TRAP1: variants seen among roughly 807,000 people sequenced by gnomAD.
The protein encoded by TRAP1 is heat shock protein 75 kDa, mitochondrial.
A neutral mutation model predicts 89.1 loss-of-function variants in TRAP1; 102 were observed. The observed-to-expected ratio is 1.15, with a 90% CI of 0.98 to 1.35. The LOEUF (loss-of-function observed/expected upper bound fraction) is 1.35. Among genes scored for constraint, TRAP1 ranks in the 40% most tolerant of loss-of-function variants. The pLI, the probability that TRAP1 is intolerant of heterozygous loss-of-function variation, is 0.00. For synonymous variants in TRAP1, 508 were observed against 388.0 expected, an observed-to-expected ratio of 1.31 and a Z score of -3.64; for missense variants, 1,256 against 945.3, an observed-to-expected ratio of 1.33 and a Z score of -4.31.
intron 1 of TRAP1, among the ~76,000 whole-genome samples, chr16:3,696,341 G>C (rs868476277): frequency 6.6e-6 from 1 of 152,350 alleles, no homozygotes; most frequent in African/African-American, 2.4e-5. Flanking sequence ...AGGGCTCCCA[G>C]TGGCAGAATC....
rs759416487 is a variant in TRAP1, at chr16:3,679,750, T to A, written c.512A>T (p.Asn171Ile). Residue 171 changes from asparagine (N) to isoleucine (I), a missense_variant, in exon 5 of 18, where the codon AAC (asparagine) becomes ATC (isoleucine). Coordinates refer to ENST00000246957, the MANE Select transcript of TRAP1 (RefSeq NM_016292.3). ...IGMTQEELVS[N>I]LGTIARSGSK... is the part of the protein sequence containing the mutation. Reference sequence around the variant, plus strand: ...CCCCGATCTGGCAATCGTCCCCAGGTTGGACACCAGCTCTTCCTGTGTCAT... The same window carrying A: ...CCCCGATCTGGCAATCGTCCCCAGGATGGACACCAGCTCTTCCTGTGTCAT... 3 of 1,614,104 alleles carry A rather than the reference T, an allele frequency of 1.9e-6. No individual in the cohort carries two copies. Among genetic ancestry groups the A allele is most frequent in the South Asian group, 2.2e-5 (2 of 91,090 alleles).
chr16:3,704,288 G>A (rs2051409736), intron 1 of TRAP1: 1 of 152,182 alleles, frequency 6.6e-6, no homozygotes, highest in African/African-American at 2.4e-5. Flanking sequence ...GAGGTTCAGT[G>A]AGCTGAAATT....
At chr16:3,672,579 G>C in intron 10 of TRAP1, 121 bp downstream of exon 10, 8 of 1,423,026 alleles carry the variant, frequency 5.6e-6, no homozygotes, top group Non-Finnish European at 7.4e-6. Flanking sequence ...AGGCAGCGCA[G>C]GCCGACGGCG....
At position 3,662,052 on chromosome 16, in the gene TRAP1, C is replaced by A. The variant is rs1256506513; in HGVS notation, c.1875G>T (p.Gln625His). ...GCTCCTCCTGGGTCTTGGCCAGCTG[C>A]TGCATGCGCAGGAAGTGGCGGGCAG... ...MGAARHFLRM[Q>H]QLAKTQEERA... Residue 625 changes from glutamine (Q) to histidine (H), a missense_variant, in exon 16 of 18, where the codon CAG (glutamine) becomes CAT (histidine). Transcript: ENST00000246957. 4 of 1,613,496 alleles carry A rather than the reference C, an allele frequency of 2.5e-6. 1 individual carries two copies. The Admixed American group carries it at 6.7e-5, about 27-fold the overall frequency.
chr16:3,681,041 GC>G (rs1413724437), intron 4 of TRAP1, among the ~76,000 whole-genome samples: 4 of 152,070 alleles, frequency 2.6e-5, no homozygotes, highest in African/African-American at 7.2e-5. Flanking sequence ...CTGACCATGG[GC>G]TCCTCCTTCC....
intron 1 of TRAP1, among the ~76,000 whole-genome samples, chr16:3,697,961 GTGTTTTTT>G (rs374396245): frequency 0.015 from 2,235 of 150,744 alleles, 41 homozygotes; most frequent in African/African-American, 0.045. Flanking sequence ...GCTAACTTTT[GTGTTTTTT>G]TGTTTTTTTG....
At chr16:3,681,087 C>T (rs1206908560) in intron 4 of TRAP1, among the ~76,000 whole-genome samples, 3 of 152,198 alleles carry the variant, frequency 2.0e-5, no homozygotes, top group East Asian at 1.9e-4. Context: ...TGCAGATCCT[C>T]GCTCAACATG....
At chr16:3,671,260 T>C (rs1229740765) in intron 11 of TRAP1, among the ~76,000 whole-genome samples, 1 of 152,112 alleles carries the variant, frequency 6.6e-6, no homozygotes, top group Non-Finnish European at 1.5e-5. Context: ...TTGAATGTGC[T>C]CTAGTAAGGA....
intron 2 of TRAP1, 148 bp downstream of exon 2, chr16:3,690,679 G>A (rs2051201622): frequency 1.2e-6 from 1 of 860,096 alleles, no homozygotes; most frequent in Non-Finnish European, 1.6e-6. Context: ...CAGAAATGGA[G>A]GGCGCAGCAC....
At chr16:3,681,375 A>G (rs1464137789) in intron 4 of TRAP1, among the ~76,000 whole-genome samples, 2 of 152,226 alleles carry the variant, frequency 1.3e-5, no homozygotes, top group Non-Finnish European at 2.9e-5. Context: ...AGCAAGCAGC[A>G]GGCCAGGGAG....
intron 2 of TRAP1, among the ~76,000 whole-genome samples, chr16:3,690,161 C>G (rs913369521): frequency 1.3e-5 from 2 of 152,168 alleles, no homozygotes; most frequent in African/African-American, 4.8e-5. Flanking sequence ...TGTGTGCTAC[C>G]ATGCCTGGCT....
rs563760477 is a variant in TRAP1 at position 3,661,721 on chromosome 16, G to A, written c.1940+266C>T. The A allele has an allele frequency of 1.8e-5, 7 of 391,764 alleles. No individual in the cohort carries two copies. The South Asian group carries it at 7.4e-4, about 41-fold the overall frequency. 24.3% of individuals were successfully genotyped at this position (391,764 alleles called of 1,614,324 possible). On this transcript the variant is annotated intron_variant, in intron 16 of 17. Transcript: ENST00000246957. ...ACTGAGCATGTCCAGGACACGCACA[G>A]GTGGCAAAGCCATAAAGCAAAACGA...
chr16:3,663,973 G>C (rs1027145860), intron 13 of TRAP1: 4 of 356,910 alleles, frequency 1.1e-5, no homozygotes, highest in Admixed American at 9.0e-5. Flanking sequence ...TGAGGCAGGA[G>C]AATGACCTGA....
chr16:3,675,418 A>G, intron 7 of TRAP1, 21 bp from the exon 8 acceptor site: 2 of 1,612,818 alleles, frequency 1.2e-6, no homozygotes, highest in Admixed American at 3.3e-5. Flanking sequence ...CAAAAGAAAA[A>G]CCACACTGCA....
intron 1 of TRAP1, among the ~76,000 whole-genome samples, chr16:3,698,460 G>A (rs1238755357): frequency 1.3e-5 from 2 of 151,846 alleles, no homozygotes; most frequent in African/African-American, 4.8e-5. Flanking sequence ...CCGCCACCAT[G>A]CCCGGCTAAT....
chr16:3,665,943 A>G, intron 12 of TRAP1, 28 bp downstream of exon 12: 1 of 1,596,320 alleles, frequency 6.3e-7, no homozygotes, highest in African/African-American at 1.4e-5. Flanking sequence ...GGTGGCCCAG[A>G]AAAAGGCCTG....
intron 7 of TRAP1, 28 bp downstream of exon 7, chr16:3,676,008 G>C (rs774883373): frequency 6.3e-7 from 1 of 1,590,212 alleles, no homozygotes; most frequent in South Asian, 1.1e-5. Flanking sequence ...GGATCCCAGA[G>C]TGAGCCTGGG....
chr16:3,714,708 G>C (rs12597773), intron 1 of TRAP1, among the ~76,000 whole-genome samples: 2 of 152,076 alleles, frequency 1.3e-5, no homozygotes, highest in Admixed American at 1.3e-4. Context: ...GGCTGGCAGT[G>C]TCAGGGGTCA....
At chr16:3,715,830 G>A (rs1596764525) in intron 1 of TRAP1, among the ~76,000 whole-genome samples, 2 of 152,084 alleles carry the variant, frequency 1.3e-5, no homozygotes, top group Non-Finnish European at 2.9e-5. Context: ...GGTGCTAGAA[G>A]AGAGCAACAG....
Sources: gnomAD v4.1 joint callset for allele counts (sites outside exome capture counted in the v4.1 genomes callset) on GRCh38, gnomAD v4.1.1 for gene constraint, MANE v1.5 for transcripts, NCBI Gene and HGNC (gene_info 2026-07-23, HGNC 2026-07-21) for gene names.